Variants in EYA1 observed in about 807,000 individuals in gnomAD.
EYA1 encodes protein phosphatase EYA1.
In EYA1, 16 loss-of-function variants were observed where a neutral mutation model predicts 82.0. That is an observed-to-expected ratio of 0.20 (90% CI 0.13 to 0.30). The LOEUF is 0.30. EYA1 is among the 10% of genes least tolerant of loss of function. EYA1 has a pLI of 1.00. For synonymous variants in EYA1, 261 were observed against 264.4 expected, an observed-to-expected ratio of 0.99 and a Z score of 0.12; for missense variants, 633 against 730.7, an observed-to-expected ratio of 0.87 and a Z score of 1.54.
chr8:71,411,443 A>C (rs1170327129), intron 2 of EYA1, among the ~76,000 whole-genome samples: 1 of 67,118 alleles, frequency 1.5e-5, no homozygotes, highest in African/African-American at 8.3e-5. Flanking sequence ...GTGAACAGGC[A>C]ACCTACAAAA....
At chr8:71,397,987 T>G (rs1228241933) in intron 2 of EYA1, among the ~76,000 whole-genome samples, 2 of 152,208 alleles carry the variant, frequency 1.3e-5, no homozygotes, top group Non-Finnish European at 2.9e-5. Context: ...TTTGTTCATT[T>G]CTTTTTAATC....
intron 11 of EYA1, among the ~76,000 whole-genome samples, chr8:71,267,909 T>C (rs191623573): frequency 1.3e-5 from 2 of 152,284 alleles, no homozygotes; most frequent in Admixed American, 1.3e-4. Flanking sequence ...AACAAACAAA[T>C]ATATTACTAC....
chr8:71,358,245 TAAAGAA>T (rs994372051), intron 1 of EYA1, among the ~76,000 whole-genome samples: 3 of 152,204 alleles, frequency 2.0e-5, no homozygotes, highest in Admixed American at 6.5e-5. Flanking sequence ...CTGTTGTTAA[TAAAGAA>T]AAAGTGAACT....
At chr8:71,499,284 T>G (rs1388483327) in intron 2 of EYA1, among the ~76,000 whole-genome samples, 1 of 152,202 alleles carries the variant, frequency 6.6e-6, no homozygotes, top group East Asian at 1.9e-4. Flanking sequence ...CCTTCCACTT[T>G]GTAAGATATT....
intron 9 of EYA1, among the ~76,000 whole-genome samples, chr8:71,292,712 A>G (rs1221804044): frequency 6.6e-6 from 1 of 152,060 alleles, no homozygotes; most frequent in Non-Finnish European, 1.5e-5. Context: ...AGTGGTAATA[A>G]AAACAAAAAT....
At chr8:71,343,324 T>A (rs956455246) in intron 3 of EYA1, among the ~76,000 whole-genome samples, 7 of 152,332 alleles carry the variant, frequency 4.6e-5, no homozygotes, top group Non-Finnish European at 2.9e-5. Context: ...GGTTTGAGTA[T>A]GTATTCCCTC....
chr8:71,436,695 G>A (rs896024643), intron 2 of EYA1, among the ~76,000 whole-genome samples: 5 of 152,016 alleles, frequency 3.3e-5, no homozygotes, highest in African/African-American at 4.8e-5. Context: ...TGTAAAAATC[G>A]GATTAGTCAG....
intron 1 of EYA1, among the ~76,000 whole-genome samples, chr8:71,361,281 C>G (rs1257646607): frequency 1.3e-5 from 2 of 152,148 alleles, no homozygotes; most frequent in Admixed American, 1.3e-4. Flanking sequence ...CAATACCACA[C>G]AAATATATTT....
intron 2 of EYA1, among the ~76,000 whole-genome samples, chr8:71,436,513 A>G (rs1315864475): frequency 6.6e-6 from 1 of 152,180 alleles, no homozygotes; most frequent in Non-Finnish European, 1.5e-5. Context: ...ATGAATAAAA[A>G]TTGATTGTGT....
At chr8:71,528,844 G>T (rs796197372) in intron 2 of EYA1, among the ~76,000 whole-genome samples, 4 of 152,278 alleles carry the variant, frequency 2.6e-5, no homozygotes, top group African/African-American at 9.6e-5. Context: ...AAATGAGAAA[G>T]AACTGAGGCT....
chr8:71,212,617 A>G (rs1452886678), intron 16 of EYA1, among the ~76,000 whole-genome samples: 2 of 152,224 alleles, frequency 1.3e-5, no homozygotes, highest in Non-Finnish European at 2.9e-5. Context: ...TCATGTAGAA[A>G]TTTTTCACAA....
At chr8:71,395,365 G>C (rs1373578805) in intron 2 of EYA1, among the ~76,000 whole-genome samples, 3 of 152,168 alleles carry the variant, frequency 2.0e-5, no homozygotes, top group Non-Finnish European at 4.4e-5. Context: ...TCCCTGTCTT[G>C]TGCCAGTTTT....
chr8:71,261,699 A>C (rs932910718), intron 11 of EYA1, among the ~76,000 whole-genome samples: 8 of 152,268 alleles, frequency 5.3e-5, no homozygotes, highest in Non-Finnish European at 1.2e-4. Context: ...CCAACTGCCA[A>C]GAAGTGGTAC....
intron 1 of EYA1, among the ~76,000 whole-genome samples, chr8:71,547,047 T>A (rs1815678719): frequency 1.9e-5 from 2 of 105,338 alleles, no homozygotes; most frequent in Admixed American, 1.4e-4. Context: ...AAAGCAGAGA[T>A]CTTGTTTATT....
chr8:71,326,978 T>C (rs1823229412), intron 4 of EYA1, among the ~76,000 whole-genome samples: 1 of 152,178 alleles, frequency 6.6e-6, no homozygotes, highest in Admixed American at 6.6e-5. Flanking sequence ...CCCAAACTTA[T>C]TGCTGCCCTT....
chr8:71,266,682 T>C (rs556223182), intron 11 of EYA1, among the ~76,000 whole-genome samples: 8 of 152,124 alleles, frequency 5.3e-5, no homozygotes, highest in African/African-American at 4.8e-5. Flanking sequence ...CTGTGCAATG[T>C]TGACTGTGAA....
At chr8:71,223,429 A>G (rs1289982174) in intron 12 of EYA1, among the ~76,000 whole-genome samples, 2 of 152,214 alleles carry the variant, frequency 1.3e-5, no homozygotes, top group Non-Finnish European at 2.9e-5. Context: ...ACAGAGGAGT[A>G]AAATAAATAA....
At chr8:71,533,666 C>T (rs892180421) in intron 2 of EYA1, among the ~76,000 whole-genome samples, 14 of 152,188 alleles carry the variant, frequency 9.2e-5, no homozygotes, top group Admixed American at 7.2e-4. Context: ...CTCTCTCCCC[C>T]ACTTCCTAAA....
rs183105437 is a variant in EYA1, at chr8:71,457,462, G to A, written c.33+78282C>T. Among the ~76,000 whole-genome samples the A allele has an allele frequency of 2.2e-4, 34 of 152,232 alleles. 2 individuals carry two copies. The highest frequency in any genetic ancestry group is 3.4e-3 in the Middle Eastern group (1 of 294). On this transcript the variant is annotated intron_variant, in intron 2 of 18. Transcript: ENST00000643681. ...TGCTGCTATAAAGACACGTGCGCACGTATGTTTATTGTGGCACTTTTCACA... is the reference window on the plus strand; with the variant it reads ...TGCTGCTATAAAGACACGTGCGCACATATGTTTATTGTGGCACTTTTCACA...
Sources: allele counts gnomAD v4.1 joint callset (sites outside exome capture counted in the v4.1 genomes callset), GRCh38; gene constraint gnomAD v4.1.1; transcripts MANE v1.5; gene names NCBI Gene and HGNC (gene_info 2026-07-23, HGNC 2026-07-21).